The following IGFN1 variants were observed in gnomAD, a reference collection of about 807,000 sequenced individuals.
IGFN1 encodes immunoglobulin-like and fibronectin type III domain-containing protein 1.
Under a neutral mutation model 289.5 loss-of-function variants are expected in IGFN1, and 253 were observed. That is an observed-to-expected ratio of 0.87 (90% confidence interval 0.79 to 0.97). The LOEUF is 0.97. Among genes scored for constraint, IGFN1 ranks in the 50% least tolerant of loss-of-function variants. The pLI is 0.00. For synonymous variants in IGFN1, 1,706 were observed against 1,788.5 expected (o/e 0.95, Z 1.16); for missense variants, 4,470 against 4,686.1 (o/e 0.95, Z 1.35).
intron 7 of IGFN1, 59 bp from the exon 8 acceptor site, chr1:201,200,178 G>T (rs1572167791): frequency 7.0e-7 from 1 of 1,429,124 alleles, no homozygotes; most frequent in Non-Finnish European, 9.5e-7. Flanking sequence ...CCAGAGCCAG[G>T]TGGCCAACAG....
intron 22 of IGFN1, 69 bp from the exon 23 acceptor site, chr1:201,226,813 C>T (rs2102376490): frequency 8.1e-7 from 1 of 1,239,184 alleles, no homozygotes; most frequent in South Asian, 1.4e-5. Context: ...ACTCTTTACC[C>T]AGACCCGGGT....
At chr1:201,225,276 G>A (rs1451588717) in intron 21 of IGFN1, among the ~76,000 whole-genome samples, 1 of 152,206 alleles carries the variant, frequency 6.6e-6, no homozygotes, top group Non-Finnish European at 1.5e-5. Context: ...CCCTGGAGGA[G>A]CTTCTGGATA....
rs1654152012 is a variant in IGFN1, at chr1:201,227,065, A to G, written c.10970A>G (p.Asn3657Ser). The stretch of plus-strand genomic sequence containing the variant: ...AAGAATGACCGCAGCCTGGAAGGAA[A>G]CCCCGCGGTGTACAGCACTGACCTG... ...WFKNDRSLEG[N>S]PAVYSTDLLG... Residue 3657 changes from asparagine (N) to serine (S), a missense_variant, in exon 23 of 24, where the codon AAC (asparagine) becomes AGC (serine). This residue lies in a region of IGFN1 where 2,218 missense variants were observed against 2,114.1 expected (regional missense o/e 1.05). Coordinates refer to ENST00000335211, the MANE Select transcript of IGFN1 (RefSeq NM_001164586.2). 2 of 1,613,452 alleles carry G rather than the reference A, an allele frequency of 1.2e-6. No homozygotes were observed. The highest frequency in any genetic ancestry group is 1.3e-5 in the African/African-American group (1 of 74,904).
Position 201,208,715 on chromosome 1 carries a change from TG to T in IGFN1, c.3825del (p.Ser1276ValfsTer35). The T allele has an allele frequency of 6.5e-7, 1 of 1,536,894 alleles. No homozygotes were observed. Among genetic ancestry groups the T allele is most frequent in the South Asian group, 1.2e-5 (1 of 84,046 alleles). ...ATGGGCCAGGTTGTAGGAAGGGTAT[TG>T]GGAGTTCTGGGGAAATGGGGTCAGT... ...ADGPGCRKGI[G>X]SSGEMGSVDK... On this transcript the variant is annotated frameshift_variant, in exon 12 of 24. Transcript: ENST00000335211. LOFTEE classifies it high-confidence loss of function.
rs1667050058 is a variant in IGFN1, at chr1:201,199,331, C to T, written c.368-3C>T. 1.3e-6 allele frequency: 2 copies of T among 1,551,824 alleles called. No homozygotes were observed. Among genetic ancestry groups the T allele is most frequent in the African/African-American group, 2.7e-5 (2 of 73,042 alleles). The stretch of plus-strand genomic sequence containing the variant: ...TCCTTCCTCTCCTCCCTGGATGTTG[C>T]AGTTGGCTTTCGGAAGAATCGGAAG... On this transcript the variant is annotated splice_region_variant and splice_polypyrimidine_tract_variant and intron_variant, in intron 5 of 23. Transcript: ENST00000335211.
chr1:201,200,556 G>C, intron 8 of IGFN1, 145 bp downstream of exon 8: 1 of 687,422 alleles, frequency 1.5e-6, no homozygotes, highest in Non-Finnish European at 2.4e-6. Context: ...GTCCCCAGTG[G>C]GGTATCTGGC....
In IGFN1 at chr1:201,211,969, G is replaced by T; in HGVS notation, c.7076G>T (p.Gly2359Val). The change falls in exon 12 of 24, where the codon GGA becomes GTA. Residue 2359 changes from glycine to valine, a missense_variant. Gly to Val is a moderately radical substitution (Grantham distance 109). This residue lies in a region of IGFN1 where 2,218 missense variants were observed against 2,114.1 expected (regional missense o/e 1.05). Transcript: ENST00000335211. Reference protein sequence around the residue: ...ETGPEGKMGYGDGSGRLGVPG... With the variant: ...ETGPEGKMGYVDGSGRLGVPG... The stretch of plus-strand genomic sequence containing the variant: ...GGACCAGAGGGTAAGATGGGTTATG[G>T]AGATGGTTCAGGGAGGCTTGGAGTA... 6.5e-7 allele frequency: 1 copy of T among 1,534,370 alleles called. No homozygotes were observed. Among genetic ancestry groups the T allele is most frequent in the Non-Finnish European group, 8.7e-7 (1 of 1,145,594 alleles).
Position 201,213,239 on chromosome 1 carries a change from G to C in IGFN1, c.8346G>C (p.Glu2782Asp). Residue 2782 changes from glutamate to aspartate, a missense_variant, in exon 12 of 24, where the codon GAG (glutamate) becomes GAC (aspartate). Coordinates refer to ENST00000335211, the MANE Select transcript of IGFN1 (RefSeq NM_001164586.2). ...CCCTCGGGGAGCAGGGGTCCCTGGA[G>C]GCTGAGAATGGTGAGGTCCAGGGTC... Reference protein sequence around the residue: ...KRSLGEQGSLEAENGEVQGPG... With the variant: ...KRSLGEQGSLDAENGEVQGPG... 1 of 1,551,874 alleles carries C rather than the reference G, an allele frequency of 6.4e-7. No individual in the cohort carries two copies. The highest frequency in any genetic ancestry group is 8.7e-7 in the Non-Finnish European group (1 of 1,147,050).
At chr1:201,194,551 C>T (rs1474108659) in intron 3 of IGFN1, among the ~76,000 whole-genome samples, 1 of 152,192 alleles carries the variant, frequency 6.6e-6, no homozygotes, top group Non-Finnish European at 1.5e-5. Flanking sequence ...AAATGCTAAA[C>T]TGGGGAGCAG....
intron 8 of IGFN1, among the ~76,000 whole-genome samples, chr1:201,201,141 C>T (rs1295474263): frequency 6.6e-6 from 1 of 152,142 alleles, no homozygotes; most frequent in African/African-American, 2.4e-5. Flanking sequence ...ACCTGGTTTA[C>T]TTCTAAAGGC....
rs3738270 is a variant in IGFN1, at chr1:201,225,991, C to T, written c.10654C>T (p.His3552Tyr). 0.66 allele frequency: 1,036,611 copies of T among 1,582,034 alleles called. 347,354 individuals are homozygous for T. Among genetic ancestry groups the T allele is most frequent in the East Asian group, 0.83 (36,380 of 43,892 alleles). ...GPWHEAADRIHTNRFTLLGIL... is the reference protein window; with the variant it reads ...GPWHEAADRIYTNRFTLLGIL... ...CTGGCACGAGGCAGCCGACCGCATC[C>T]ACACCAACCGCTTCACCCTCCTGGG... The change falls in exon 22 of 24, where the codon CAC becomes TAC. Residue 3552 changes from histidine to tyrosine, a missense_variant. His to Tyr is a moderately conservative substitution (Grantham distance 83). Transcript: ENST00000335211.
intron 17 of IGFN1, 103 bp from the exon 18 acceptor site, chr1:201,218,427 T>A (rs1473145681): frequency 8.8e-7 from 1 of 1,136,314 alleles, no homozygotes; most frequent in Non-Finnish European, 1.3e-6. Context: ...AGGGATGTGT[T>A]AGGACCCCAG....
rs769768578 is a variant in IGFN1 at position 201,210,810 on chromosome 1, G to A, written c.5917G>A (p.Gly1973Ser). Residue 1973 changes from glycine to serine, a missense_variant, in exon 12 of 24, where the codon GGT becomes AGT. Transcript: ENST00000335211. ...RKDLGAPKGMGSGSKEGFRDG... is the reference protein window; with the variant it reads ...RKDLGAPKGMSSGSKEGFRDG... ...GGATTTGGGGGCTCCTAAGGGAATG[G>A]GTTCAGGGAGTAAGGAAGGTTTCAG... The A allele has an allele frequency of 6.5e-7, 1 of 1,535,028 alleles. No homozygotes were observed. The highest frequency in any genetic ancestry group is 2.5e-5 in the East Asian group (1 of 40,714).
At chr1:201,224,921 A>G in intron 21 of IGFN1, 47 bp downstream of exon 21, 3 of 1,461,216 alleles carry the variant, frequency 2.1e-6, no homozygotes, top group Non-Finnish European at 2.8e-6. Flanking sequence ...TCGGCCACTC[A>G]CCAAGGCAAA....
rs1361244533 is a variant in IGFN1, at chr1:201,212,124, G to A, written c.7231G>A (p.Glu2411Lys). The change falls in exon 12 of 24, where the codon GAA (glutamate) becomes AAA (lysine). Residue 2411 changes from glutamate to lysine, a missense_variant. Coordinates refer to ENST00000335211, the MANE Select transcript of IGFN1 (RefSeq NM_001164586.2). The stretch of plus-strand genomic sequence containing the variant: ...CAAGGATGGTCCAGAGCGAGCCAGG[G>A]AAACCAGGCTTGTGGATGGGGCAGG... The part of the protein sequence containing the change: ...NSKDGPERAR[E>K]TRLVDGAGPG... The A allele has an allele frequency of 4.6e-6, 7 of 1,536,428 alleles. No homozygotes were observed. In the East Asian group the frequency reaches 9.8e-5, roughly 21 times the overall value.
chr1:201,203,816 C>T lies in IGFN1; in HGVS notation c.826C>T (p.Gln276Ter), dbSNP rs1301973726. The change falls in exon 10 of 24, where the codon CAG (glutamine) becomes TAG (stop). Residue 276 changes from glutamine (Q) to a stop codon, truncating the protein, a stop_gained. Coordinates refer to ENST00000335211, the MANE Select transcript of IGFN1 (RefSeq NM_001164586.2). LOFTEE classifies it high-confidence loss of function. ...CCGGCTGGGGAAGCGCTATGAGTTCCAGATTCAAGACCTGAGGCCTGAGGA... is the reference window on the plus strand; with the variant it reads ...CCGGCTGGGGAAGCGCTATGAGTTCTAGATTCAAGACCTGAGGCCTGAGGA... ...LRRLGKRYEF[Q>*]IQDLRPEDSG... The T allele has an allele frequency of 1.9e-6, 3 of 1,551,614 alleles. No homozygotes were observed. In the African/African-American group the frequency reaches 4.1e-5, roughly 21 times the overall value.
At chr1:201,218,367 T>C (rs1370910111) in intron 17 of IGFN1, among the ~76,000 whole-genome samples, 163 bp from the exon 18 acceptor site, 1 of 152,194 alleles carries the variant, frequency 6.6e-6, no homozygotes, top group African/African-American at 2.4e-5. Flanking sequence ...TGAGCAGTGC[T>C]CTTTCCACCT....
At chr1:201,200,606 A>G (rs998960228) in intron 8 of IGFN1, among the ~76,000 whole-genome samples, 195 bp downstream of exon 8, 2 of 152,058 alleles carry the variant, frequency 1.3e-5, no homozygotes, top group African/African-American at 4.8e-5. Context: ...TGCCTTTGCA[A>G]CCTGGTTCTG....
In IGFN1 at chr1:201,212,080, C is replaced by T. The variant is rs778149344; in HGVS notation, c.7187C>T (p.Ser2396Leu). ...MGHRSGYWVA[S>L]EGDTNSKDGP... ...CACAGGTCAGGATATTGGGTAGCAT[C>T]AGAGGGTGACACGAACTCCAAGGAT... Residue 2396 changes from serine to leucine, a missense_variant, in exon 12 of 24, where the codon TCA (serine) becomes TTA (leucine). This residue lies in a region of IGFN1 where 2,218 missense variants were observed against 2,114.1 expected (regional missense o/e 1.05). Coordinates refer to ENST00000335211, the MANE Select transcript of IGFN1 (RefSeq NM_001164586.2). 1 of 1,536,222 alleles carries T rather than the reference C, an allele frequency of 6.5e-7. No individual in the cohort carries two copies. The highest frequency in any genetic ancestry group is 2.0e-5 in the Admixed American group (1 of 50,948).
Sources: gnomAD v4.1 joint callset for allele counts (sites outside exome capture counted in the v4.1 genomes callset) on GRCh38, gnomAD v4.1.1 for gene constraint, gnomAD v4.1.1 regional missense constraint, MANE v1.5 for transcripts, NCBI Gene and HGNC (gene_info 2026-07-23, HGNC 2026-07-21) for gene names.